The following BRD9 variants were observed in gnomAD, a reference collection of about 807,000 sequenced individuals.
The protein encoded by BRD9 is bromodomain-containing protein 9.
Under a neutral mutation model 68.7 loss-of-function variants are expected in BRD9, and 47 were observed. The ratio of observed to expected loss-of-function variants is 0.68; its 90% CI spans 0.54 to 0.87. The LOEUF (loss-of-function observed/expected upper bound fraction) is 0.87, where lower values mean the gene tolerates loss of function less well. Among genes scored for constraint, BRD9 ranks in the 40% least tolerant of loss-of-function variants. The pLI is 0.00. For synonymous variants in BRD9, 313 were observed against 293.9 expected (o/e 1.06, Z -0.67); for missense variants, 670 against 748.4 (o/e 0.90, Z 1.22).
rs754367615 is a variant in BRD9, at chr5:881,195, A to T, written c.967-13T>A. On this transcript the variant is annotated splice_polypyrimidine_tract_variant and intron_variant, in intron 8 of 15. Transcript: ENST00000467963. ...TCAGATAGCCCATCTGGAAGGAAGC[A>T]CTGCCTGAGCGTCTGTCCCTCAGGA... The T allele has an allele frequency of 6.2e-7, 1 of 1,613,450 alleles. No individual in the cohort carries two copies.
At chr5:883,246 A>G in intron 8 of BRD9, 2 of 443,606 alleles carry the variant, frequency 4.5e-6, no homozygotes, top group South Asian at 1.6e-5. Context: ...AAGACTTAAT[A>G]TGAAAAAAAC....
intron 9 of BRD9, 39 bp downstream of exon 9, chr5:881,068 G>C: frequency 6.3e-7 from 1 of 1,598,474 alleles, no homozygotes; most frequent in Non-Finnish European, 8.6e-7. Flanking sequence ...AAAAAGCAGT[G>C]TACGGAGAGC....
Position 889,040 on chromosome 5 carries a change from T to C in BRD9, c.587A>G (p.Lys196Arg). 1 of 1,608,042 alleles carries C rather than the reference T, an allele frequency of 6.2e-7. No individual in the cohort carries two copies. Among genetic ancestry groups the C allele is most frequent in the Non-Finnish European group, 8.5e-7 (1 of 1,178,428 alleles). ...ACTTACCTTAAATTCCGTAACTGACTTGTATTCATTAGCTACAATTTTGTC... is the reference window on the plus strand; with the variant it reads ...ACTTACCTTAAATTCCGTAACTGACCTGTATTCATTAGCTACAATTTTGTC... ...MKDKIVANEY[K>R]SVTEFKADFK... Residue 196 changes from lysine to arginine, a missense_variant, in exon 5 of 16, where the codon AAG becomes AGG. By Grantham distance (26) the Lys-to-Arg change is conservative. This residue lies in a region of BRD9 where 94 missense variants were observed against 157.2 expected (regional missense o/e 0.60). Coordinates refer to ENST00000467963, the MANE Select transcript of BRD9 (RefSeq NM_023924.5).
intron 14 of BRD9, among the ~76,000 whole-genome samples, chr5:867,028 G>A (rs913172280): frequency 6.6e-6 from 1 of 152,196 alleles, no homozygotes; most frequent in Admixed American, 6.5e-5. Context: ...CACAGGCCTG[G>A]GGGTCTAGGA....
chr5:874,942 G>A (rs1011879366), intron 12 of BRD9, among the ~76,000 whole-genome samples: 2 of 152,172 alleles, frequency 1.3e-5, no homozygotes, highest in Non-Finnish European at 2.9e-5. Flanking sequence ...AAGAGGCAGT[G>A]GTGGAAAATG....
At chr5:892,245 A>ATGGAGC in intron 1 of BRD9, 2 of 452,456 alleles carry the variant, frequency 4.4e-6, no homozygotes, top group Middle Eastern at 1.2e-3. Flanking sequence ...GCTGACACCC[A>ATGGAGC]TGGAGCTGCT....
chr5:886,459 T>A, intron 7 of BRD9, 133 bp downstream of exon 7: 2 of 934,088 alleles, frequency 2.1e-6, no homozygotes, highest in Non-Finnish European at 3.2e-6. Context: ...CCTGCCAGAA[T>A]AAGCTACACC....
Position 876,116 on chromosome 5 carries a change from G to A in BRD9, c.1368C>T (p.Leu456=), listed in dbSNP as rs759766501. Reference sequence around the variant, plus strand: ...TGCAGCCCACCTGCTTCAGCTGGAAGAGCGTCCTAGAGTGGTCTCCGCCTG... The same window carrying A: ...TGCAGCCCACCTGCTTCAGCTGGAAAAGCGTCCTAGAGTGGTCTCCGCCTG... ...QITGGDHSRT[L]FQLKQRRNVP... Residue 456 remains leucine, a synonymous_variant, in exon 12 of 16, where the codon CTC becomes CTT. Transcript: ENST00000467963. The A allele has an allele frequency of 1.2e-6, 2 of 1,612,534 alleles. No individual in the cohort carries two copies. Among genetic ancestry groups the A allele is most frequent in the Non-Finnish European group, 1.7e-6 (2 of 1,179,388 alleles).
chr5:872,251 C>G (rs73731001), intron 12 of BRD9, among the ~76,000 whole-genome samples: 5,707 of 152,316 alleles, frequency 0.037, 336 homozygotes, highest in African/African-American at 0.13. Flanking sequence ...TCAATGACAT[C>G]GATTTTCACA....
intron 8 of BRD9, chr5:883,383 T>G: frequency 2.2e-6 from 1 of 456,818 alleles, no homozygotes; most frequent in Middle Eastern, 3.2e-4. Context: ...TCAGGGCTGC[T>G]AGGAAGCCTG....
chr5:883,546 T>C (rs546633498), intron 8 of BRD9: 4 of 403,362 alleles, frequency 9.9e-6, no homozygotes, highest in South Asian at 3.7e-5. Context: ...TGGCCTATTA[T>C]GGACCATCTG....
At chr5:887,879 C>G (rs1457550522) in intron 5 of BRD9, among the ~76,000 whole-genome samples, 1 of 152,244 alleles carries the variant, frequency 6.6e-6, no homozygotes, top group African/African-American at 2.4e-5. Context: ...AATTTCTCCA[C>G]AGAATCGAAT....
intron 14 of BRD9, chr5:868,546 G>A (rs1439525670): frequency 1.3e-5 from 2 of 152,266 alleles, no homozygotes; most frequent in Non-Finnish European, 2.9e-5. Flanking sequence ...TCCAACAACA[G>A]GAGCAGAGTG....
intron 8 of BRD9, 105 bp downstream of exon 8, chr5:883,833 G>T: frequency 6.7e-7 from 1 of 1,489,660 alleles, no homozygotes; most frequent in South Asian, 1.2e-5. Context: ...CTGACCTCTG[G>T]ATCCCGGTGG....
intron 3 of BRD9, 23 bp from the exon 4 acceptor site, chr5:889,670 A>G: frequency 1.2e-6 from 2 of 1,610,834 alleles, no homozygotes; most frequent in South Asian, 1.1e-5. Flanking sequence ...GGAAAAAAAA[A>G]TTGAATACAA....
intron 14 of BRD9, among the ~76,000 whole-genome samples, chr5:867,193 G>GGAA (rs1749500264): frequency 6.6e-6 from 1 of 152,238 alleles, no homozygotes; most frequent in African/African-American, 2.4e-5. Context: ...ACATGGTGTT[G>GGAA]GGTATGTGGG....
chr5:883,933 A>G lies in BRD9; in HGVS notation c.966+5T>C. On this transcript the variant is annotated splice_donor_5th_base_variant and intron_variant, in intron 8 of 15. Transcript: ENST00000467963. ...CACCCTCTCTCGGTGGCCACAGAGC[A>G]CTACCTTGCCGCCTGGGAGGAACCG... 6.2e-7 allele frequency: 1 copy of G among 1,609,758 alleles called. No individual in the cohort carries two copies. The highest frequency in any genetic ancestry group is 8.5e-7 in the Non-Finnish European group (1 of 1,179,352).
chr5:866,883 T>C (rs779525787), intron 14 of BRD9, among the ~76,000 whole-genome samples: 4 of 152,210 alleles, frequency 2.6e-5, no homozygotes, highest in African/African-American at 4.8e-5. Context: ...TTTGTACCCC[T>C]GCCATGTGGT....
At chr5:867,704 T>C (rs1205193736) in intron 14 of BRD9, among the ~76,000 whole-genome samples, 2 of 152,262 alleles carry the variant, frequency 1.3e-5, no homozygotes, top group African/African-American at 4.8e-5. Flanking sequence ...TTTGGCTGAT[T>C]TCTCCCTCTT....
Sources: gnomAD v4.1 joint callset for allele counts (sites outside exome capture counted in the v4.1 genomes callset) on GRCh38, gnomAD v4.1.1 for gene constraint, gnomAD v4.1.1 regional missense constraint, MANE v1.5 for transcripts, NCBI Gene and HGNC (gene_info 2026-07-23, HGNC 2026-07-21) for gene names.